The following LRP1B variants were observed in gnomAD, a reference collection of about 807,000 sequenced individuals.
LRP1B encodes the protein low-density lipoprotein receptor-related protein 1B.
LRP1B carries 217 observed loss-of-function variants against 556.6 expected under a neutral mutation model. The ratio of observed to expected loss-of-function variants is 0.39; its 90% CI spans 0.35 to 0.44. LRP1B has a LOEUF of 0.44. LRP1B is among the 20% of genes least tolerant of loss of function. The pLI, the probability that LRP1B is intolerant of heterozygous loss-of-function variation, is 1.00. For missense variants in LRP1B, 5,053 were observed against 5,620.8 expected (o/e 0.90, Z 3.23); for synonymous variants, 2,047 against 1,865.8 (o/e 1.10, Z -2.50).
chr2:141,869,768 G>A (rs1247107748), intron 1 of LRP1B, among the ~76,000 whole-genome samples: 1 of 152,070 alleles, frequency 6.6e-6, no homozygotes, highest in Non-Finnish European at 1.5e-5. Flanking sequence ...AAGGTACCTG[G>A]CAGAATGCCA....
intron 85 of LRP1B, 27 bp downstream of exon 85, chr2:140,274,397 T>C (rs2104951574): frequency 6.2e-7 from 1 of 1,604,220 alleles, no homozygotes; most frequent in Non-Finnish European, 8.5e-7. Context: ...CAAATGCTTT[T>C]ATAAATTAAG....
intron 43 of LRP1B, among the ~76,000 whole-genome samples, chr2:140,588,807 A>T (rs1682095901): frequency 6.7e-6 from 1 of 148,968 alleles, no homozygotes; most frequent in South Asian, 2.2e-4. Flanking sequence ...AAAATACAAA[A>T]AATCAGCCGG....
At chr2:141,939,988 C>CTAAAA (rs1330286495) in intron 1 of LRP1B, among the ~76,000 whole-genome samples, 1 of 138,664 alleles carries the variant, frequency 7.2e-6, no homozygotes, top group Admixed American at 7.4e-5. Flanking sequence ...GAATAAAAAC[C>CTAAAA]TAAAAGTAAG....
chr2:140,340,261 T>A (rs1365044928), intron 77 of LRP1B, among the ~76,000 whole-genome samples: 1 of 151,550 alleles, frequency 6.6e-6, no homozygotes, highest in African/African-American at 2.4e-5. Context: ...ATCCTAGTCC[T>A]AGTTTCTCTG....
At chr2:141,415,054 A>T (rs190206649) in intron 3 of LRP1B, among the ~76,000 whole-genome samples, 1 of 152,116 alleles carries the variant, frequency 6.6e-6, no homozygotes, top group Non-Finnish European at 1.5e-5. Flanking sequence ...TTGCTCTGTC[A>T]CCCAGGCTGA....
intron 3 of LRP1B, among the ~76,000 whole-genome samples, chr2:141,368,571 A>G: frequency 6.6e-6 from 1 of 152,212 alleles, no homozygotes; most frequent in Admixed American, 6.5e-5. Context: ...TAAGGAAGAG[A>G]TTCTAAATGT....
intron 31 of LRP1B, among the ~76,000 whole-genome samples, chr2:140,822,415 T>C (rs1306645369): frequency 6.6e-6 from 1 of 152,218 alleles, no homozygotes; most frequent in Non-Finnish European, 1.5e-5. Flanking sequence ...TTTCATATGA[T>C]TATGATACAC....
chr2:140,470,364 C>A (rs1020339858), intron 60 of LRP1B, among the ~76,000 whole-genome samples: 1 of 152,004 alleles, frequency 6.6e-6, no homozygotes, highest in Non-Finnish European at 1.5e-5. Context: ...GAGATTTGGG[C>A]CGGGCGTGGT....
intron 1 of LRP1B, among the ~76,000 whole-genome samples, chr2:141,884,305 G>A (rs2104899933): frequency 6.6e-6 from 1 of 152,274 alleles, no homozygotes; most frequent in East Asian, 1.9e-4. Flanking sequence ...GAGCCCAGAA[G>A]TCGAGACTGT....
At chr2:142,077,722 G>T (rs532638535) in intron 1 of LRP1B, among the ~76,000 whole-genome samples, 1 of 151,984 alleles carries the variant, frequency 6.6e-6, no homozygotes, top group East Asian at 1.9e-4. Flanking sequence ...TCCTTGGTTC[G>T]CTGCAGGATT....
chr2:141,977,174 A>C (rs1028592512), intron 1 of LRP1B, among the ~76,000 whole-genome samples: 2 of 152,276 alleles, frequency 1.3e-5, no homozygotes, highest in Admixed American at 6.5e-5. Context: ...GAGAGGAATT[A>C]ACAGCATTTG....
chr2:140,334,305 G>A, intron 79 of LRP1B, 148 bp downstream of exon 79: 1 of 582,186 alleles, frequency 1.7e-6, no homozygotes, highest in Non-Finnish European at 3.0e-6. Context: ...AATAGGAAAT[G>A]AAATGTAAAT....
At chr2:141,407,671 C>T (rs547190225) in intron 3 of LRP1B, among the ~76,000 whole-genome samples, 1 of 152,260 alleles carries the variant, frequency 6.6e-6, no homozygotes, top group African/African-American at 2.4e-5. Context: ...CTCCCTTCAC[C>T]TTCTACCATA....
chr2:140,510,342 T>C (rs1159014859), intron 51 of LRP1B, among the ~76,000 whole-genome samples: 2 of 152,190 alleles, frequency 1.3e-5, no homozygotes, highest in Admixed American at 1.3e-4. Flanking sequence ...AGAAATGTCA[T>C]AGAATTGTGA....
chr2:140,894,128 C>A (rs1487603635), intron 23 of LRP1B, among the ~76,000 whole-genome samples: 1 of 152,038 alleles, frequency 6.6e-6, no homozygotes, highest in Non-Finnish European at 1.5e-5. Context: ...AGCTTCATTC[C>A]CCTGGTGGCT....
chr2:140,309,409 A>G (rs568813062), intron 83 of LRP1B, among the ~76,000 whole-genome samples: 51 of 151,970 alleles, frequency 3.4e-4, no homozygotes, highest in Non-Finnish European at 6.5e-4. Flanking sequence ...TTCTGTGAAT[A>G]TAAGTAAGCT....
At chr2:141,598,926 C>A (rs896122144) in intron 2 of LRP1B, among the ~76,000 whole-genome samples, 3 of 151,886 alleles carry the variant, frequency 2.0e-5, no homozygotes, top group Non-Finnish European at 2.9e-5. Context: ...GATCAGACAA[C>A]ATCAAATATG....
intron 4 of LRP1B, among the ~76,000 whole-genome samples, chr2:141,251,537 T>C (rs1684260366): frequency 1.3e-5 from 2 of 152,180 alleles, no homozygotes. Flanking sequence ...AGAATATTTA[T>C]TGACTACGGT....
At chr2:141,254,723 C>A in intron 3 of LRP1B, 82 bp from the exon 4 acceptor site, 1 of 1,092,396 alleles carries the variant, frequency 9.2e-7, no homozygotes, top group Non-Finnish European at 1.3e-6. Flanking sequence ...AATCCTTACA[C>A]TATAGTCTTG....
Sources: gnomAD v4.1 joint callset for allele counts (sites outside exome capture counted in the v4.1 genomes callset) on GRCh38, gnomAD v4.1.1 for gene constraint, MANE v1.5 for transcripts, NCBI Gene and HGNC (gene_info 2026-07-23, HGNC 2026-07-21) for gene names.